The following SLC35F2 variants were observed in gnomAD, a reference collection of about 807,000 sequenced individuals.
SLC35F2 encodes queuine/queuosine transporter SLC35F2.
SLC35F2 carries 25 observed loss-of-function variants against 38.1 expected under a neutral mutation model. That is an observed-to-expected ratio of 0.66 (90% CI 0.48 to 0.92). The LOEUF (loss-of-function observed/expected upper bound fraction) is 0.92. SLC35F2 is among the 40% of genes least tolerant of loss of function. The pLI, the probability that SLC35F2 is intolerant of heterozygous loss-of-function variation, is 0.00. For synonymous variants in SLC35F2, 173 were observed against 181.7 expected, an observed-to-expected ratio of 0.95 and a Z score of 0.38; for missense variants, 409 against 452.9, an observed-to-expected ratio of 0.90 and a Z score of 0.88.
chr11:107,850,386 A>C lies in SLC35F2; in HGVS notation c.110+8272T>G, dbSNP rs371958585. 3.3e-3 allele frequency among the ~76,000 whole-genome samples: 503 copies of C among 152,222 alleles called. 2 individuals are homozygous for C. Among genetic ancestry groups the C allele is most frequent in the Non-Finnish European group, 5.8e-3 (396 of 68,006 alleles). On this transcript the variant is annotated intron_variant, in intron 1 of 7. Transcript: ENST00000525815. ...CTAAATCAGTGGTTCTCAATTAGGG[A>C]TGATTTTTGTCCCCGAGAAGACATT...
At chr11:107,823,419 A>G (rs1390909783) in intron 1 of SLC35F2, among the ~76,000 whole-genome samples, 1 of 152,206 alleles carries the variant, frequency 6.6e-6, no homozygotes, top group Non-Finnish European at 1.5e-5. Flanking sequence ...CCTATGGAAC[A>G]TAGTTACTTG....
At chr11:107,813,546 T>C (rs910997813) in intron 2 of SLC35F2, among the ~76,000 whole-genome samples, 18 of 152,056 alleles carry the variant, frequency 1.2e-4, no homozygotes, top group Non-Finnish European at 2.4e-4. Flanking sequence ...CTAACAACCA[T>C]CCCTTAGGGA....
intron 1 of SLC35F2, among the ~76,000 whole-genome samples, chr11:107,825,343 G>C (rs1859736921): frequency 6.6e-6 from 1 of 150,826 alleles, no homozygotes; most frequent in African/African-American, 2.4e-5. Context: ...AGAGAGGCCT[G>C]AGATTCCGCA....
In SLC35F2 at chr11:107,792,992, C is replaced by T. The variant is rs1859157289; in HGVS notation, c.940-192G>A. 5 of 842,150 alleles carry T rather than the reference C, an allele frequency of 5.9e-6. No homozygotes were observed. In the South Asian group the frequency reaches 2.2e-4, roughly 37 times the overall value. The allele number at this position is 842,150 out of a possible 1,614,324, so 52.2% of individuals were successfully genotyped here. The stretch of plus-strand genomic sequence containing the variant: ...AGTGCAGTGGCACAATCTCGGCTCA[C>T]TGCAACCTCCACCTCCCAGGCTCCA... On this transcript the variant is annotated intron_variant, in intron 7 of 7. Transcript: ENST00000525815.
rs541723238 is a variant in SLC35F2, at chr11:107,809,583, G to A, written c.414+2084C>T. 3.0e-5 allele frequency: 19 copies of A among 631,938 alleles called. No individual in the cohort carries two copies. The South Asian group carries it at 1.1e-3, about 38-fold the overall frequency. 39.1% of individuals were successfully genotyped at this position (631,938 alleles called of 1,614,324 possible). A position where few individuals can be genotyped will look rare whatever the true frequency, so the allele number is the denominator to read the frequency against. Reference sequence around the variant, plus strand: ...GGAGGCGGAGGCTGCAGTGAGCCAAGATCATGCCATTGTACTCCAGCCTGG... The same window carrying A: ...GGAGGCGGAGGCTGCAGTGAGCCAAAATCATGCCATTGTACTCCAGCCTGG... On this transcript the variant is annotated intron_variant, in intron 3 of 7. Transcript: ENST00000525815.
At chr11:107,851,322 G>C (rs1860181574) in intron 1 of SLC35F2, among the ~76,000 whole-genome samples, 1 of 150,548 alleles carries the variant, frequency 6.6e-6, no homozygotes, top group Non-Finnish European at 1.5e-5. Flanking sequence ...AATTAGCCAG[G>C]CATGGTGGCA....
chr11:107,834,229 C>T (rs2442684), intron 1 of SLC35F2, among the ~76,000 whole-genome samples: 55,320 of 152,032 alleles, frequency 0.36, 10,202 homozygotes, highest in South Asian at 0.47. Flanking sequence ...GTCTTATTTA[C>T]AGGAGAAGCA....
At chr11:107,800,625 G>A (rs1859291540) in intron 7 of SLC35F2, among the ~76,000 whole-genome samples, 1 of 152,158 alleles carries the variant, frequency 6.6e-6, no homozygotes, top group Non-Finnish European at 1.5e-5. Flanking sequence ...AGGCTGGAGT[G>A]CAGTGGTGTG....
chr11:107,805,584 C>A (rs1028369005), intron 4 of SLC35F2, 69 bp from the exon 5 acceptor site: 6 of 1,534,758 alleles, frequency 3.9e-6, no homozygotes, highest in South Asian at 1.3e-5. Context: ...TGCCTCCAGG[C>A]GGTCATCTGA....
chr11:107,793,837 CAG>C (rs1273302983), intron 7 of SLC35F2, among the ~76,000 whole-genome samples: 2 of 152,090 alleles, frequency 1.3e-5, no homozygotes, highest in Non-Finnish European at 2.9e-5. Flanking sequence ...CCCATTCTGA[CAG>C]AAATTTTAAA....
At position 107,792,601 on chromosome 11, in the gene SLC35F2, G is replaced by A. The variant is rs117034574; in HGVS notation, c.*14C>T. On this transcript the variant is annotated 3_prime_UTR_variant, in exon 8 of 8. Coordinates refer to ENST00000525815, the MANE Select transcript of SLC35F2 (RefSeq NM_017515.5). ...CTTTATCCTGGTGGGGGATGGGTGCGCCATCTTCTCCAGCTACAAGACAGC... is the reference window on the plus strand; with the variant it reads ...CTTTATCCTGGTGGGGGATGGGTGCACCATCTTCTCCAGCTACAAGACAGC... 42 of 1,592,980 alleles carry A rather than the reference G, an allele frequency of 2.6e-5. No individual in the cohort carries two copies. The highest frequency in any genetic ancestry group is 9.2e-5 in the South Asian group (8 of 86,566).
chr11:107,812,628 C>G (rs972727054), intron 2 of SLC35F2, among the ~76,000 whole-genome samples: 1 of 152,100 alleles, frequency 6.6e-6, no homozygotes. Context: ...CACCATGGCA[C>G]GTTTATCTAT....
Position 107,832,663 on chromosome 11 carries a change from G to A in SLC35F2, c.111-16698C>T, listed in dbSNP as rs190191722. ...ACAGAAAAAAATGCAAAAATTAGCCGGGTATGATGGCATGCACCTATAGTC... is the reference window on the plus strand; with the variant it reads ...ACAGAAAAAAATGCAAAAATTAGCCAGGTATGATGGCATGCACCTATAGTC... On this transcript the variant is annotated intron_variant, in intron 1 of 7. Transcript: ENST00000525815. Among the ~76,000 whole-genome samples the A allele has an allele frequency of 6.1e-3, 934 of 152,122 alleles. 10 individuals carry two copies. Among genetic ancestry groups the A allele is most frequent in the African/African-American group, 0.02 (840 of 41,482 alleles).
intron 7 of SLC35F2, among the ~76,000 whole-genome samples, chr11:107,798,218 C>A (rs971431220): frequency 1.3e-5 from 2 of 151,874 alleles, no homozygotes; most frequent in Non-Finnish European, 2.9e-5. Context: ...TGGCCGGGCT[C>A]GTCTCAAACT....
At chr11:107,795,009 A>G (rs1357869458) in intron 7 of SLC35F2, among the ~76,000 whole-genome samples, 1 of 152,214 alleles carries the variant, frequency 6.6e-6, no homozygotes, top group Non-Finnish European at 1.5e-5. Flanking sequence ...AAAGACCTCT[A>G]TAAGGAAAGC....
chr11:107,823,128 A>G, intron 1 of SLC35F2: 9 of 985,172 alleles, frequency 9.1e-6, no homozygotes, highest in Non-Finnish European at 9.6e-6. Flanking sequence ...AACACTGACA[A>G]CAAGACCCCA....
chr11:107,845,253 T>G (rs580100), intron 1 of SLC35F2, among the ~76,000 whole-genome samples: 133,337 of 152,122 alleles, frequency 0.88, 58,466 homozygotes, highest in South Asian at 0.92. Flanking sequence ...TTAGACTGAA[T>G]AAACAGAATC....
At chr11:107,850,267 G>C (rs1860157754) in intron 1 of SLC35F2, among the ~76,000 whole-genome samples, 1 of 152,172 alleles carries the variant, frequency 6.6e-6, no homozygotes, top group African/African-American at 2.4e-5. Flanking sequence ...AGTGATGTTT[G>C]TGGAGGCTGG....
At chr11:107,843,236 C>T (rs1860039604) in intron 1 of SLC35F2, among the ~76,000 whole-genome samples, 1 of 152,154 alleles carries the variant, frequency 6.6e-6, no homozygotes, top group African/African-American at 2.4e-5. Flanking sequence ...AGCTTTAGGA[C>T]TGGTGATGCG....
Sources: allele counts gnomAD v4.1 joint callset (sites outside exome capture counted in the v4.1 genomes callset), GRCh38; gene constraint gnomAD v4.1.1; transcripts MANE v1.5; gene names NCBI Gene and HGNC (gene_info 2026-07-23, HGNC 2026-07-21).